The following LEMD3 variants were observed in gnomAD, a reference collection of about 807,000 sequenced individuals.
LEMD3 encodes LEM domain containing 3.
LEMD3 carries 33 observed loss-of-function variants against 95.2 expected under a neutral mutation model. The observed-to-expected ratio is 0.35, with a 90% confidence interval of 0.26 to 0.46. The LOEUF (loss-of-function observed/expected upper bound fraction) is 0.46. LEMD3 is among the 20% of genes least tolerant of loss of function. The pLI, the probability that LEMD3 is intolerant of heterozygous loss-of-function variation, is 1.00. For missense variants in LEMD3, 1,210 were observed against 1,192.8 expected (o/e 1.01, Z -0.21); for synonymous variants, 525 against 474.6 (o/e 1.11, Z -1.38).
At chr12:65,232,944 T>C (rs1020452147) in intron 4 of LEMD3, among the ~76,000 whole-genome samples, 2 of 152,140 alleles carry the variant, frequency 1.3e-5, no homozygotes, top group Non-Finnish European at 2.9e-5. Flanking sequence ...GGATAGACTT[T>C]TATGGCCTAG....
Position 65,169,654 on chromosome 12 carries a change from C to A in LEMD3, c.58C>A (p.Gln20Lys). The change falls in exon 1 of 13, where the codon CAG becomes AAG. Residue 20 changes from glutamine to lysine, a missense_variant. By Grantham distance (53) the Gln-to-Lys change is moderately conservative. This residue lies in a region of LEMD3 where 749 missense variants were observed against 622.9 expected (regional missense o/e 1.20). Transcript: ENST00000308330. ...GCTCTCGGATGAGGAGCTTTTCTCT[C>A]AGCTCCGCCGTTACGGCCTGTCTCC... ...QQLSDEELFS[Q>K]LRRYGLSPGP... 6.3e-7 allele frequency: 1 copy of A among 1,585,398 alleles called. No individual in the cohort carries two copies. Among genetic ancestry groups the A allele is most frequent in the Middle Eastern group, 2.0e-4 (1 of 4,948 alleles).
At chr12:65,230,811 G>A (rs1481292121) in intron 4 of LEMD3, among the ~76,000 whole-genome samples, 3 of 152,156 alleles carry the variant, frequency 2.0e-5, no homozygotes, top group African/African-American at 7.2e-5. Context: ...TGGTGAGAAT[G>A]GGCACTGTTG....
chr12:65,203,986 T>G (rs1051344785), intron 1 of LEMD3, among the ~76,000 whole-genome samples: 1 of 152,168 alleles, frequency 6.6e-6, no homozygotes, highest in African/African-American at 2.4e-5. Flanking sequence ...ATGGTATAAC[T>G]TCCTCCATGT....
At chr12:65,211,585 A>G (rs1448666811) in intron 2 of LEMD3, among the ~76,000 whole-genome samples, 1 of 152,200 alleles carries the variant, frequency 6.6e-6, no homozygotes, top group Non-Finnish European at 1.5e-5. Flanking sequence ...TATTATAGGA[A>G]CTGTTATATA....
chr12:65,235,380 A>T (rs1592460603), intron 4 of LEMD3, among the ~76,000 whole-genome samples: 1 of 152,284 alleles, frequency 6.6e-6, no homozygotes, highest in East Asian at 1.9e-4. Context: ...ATTAAAGCAA[A>T]TAAAAATCAC....
chr12:65,173,355 T>C (rs557319656), intron 1 of LEMD3, among the ~76,000 whole-genome samples: 112 of 152,300 alleles, frequency 7.4e-4, no homozygotes, highest in African/African-American at 2.5e-3. Flanking sequence ...ATAGGAATGC[T>C]AGGATTTTGG....
intron 4 of LEMD3, among the ~76,000 whole-genome samples, chr12:65,224,269 A>G (rs1269930467): frequency 6.6e-6 from 1 of 152,034 alleles, no homozygotes; most frequent in Non-Finnish European, 1.5e-5. Flanking sequence ...TCACTTTAGC[A>G]TTTCTTGTGA....
chr12:65,197,883 C>G (rs1362686625), intron 1 of LEMD3, among the ~76,000 whole-genome samples: 2 of 152,204 alleles, frequency 1.3e-5, no homozygotes, highest in South Asian at 4.1e-4. Context: ...TGCGTTTGCT[C>G]TCTCCAGTTT....
chr12:65,226,474 A>G (rs1309108285), intron 4 of LEMD3, among the ~76,000 whole-genome samples: 1 of 152,198 alleles, frequency 6.6e-6, no homozygotes, highest in African/African-American at 2.4e-5. Context: ...GGGGCTTCCT[A>G]TTCTGCTGAT....
intron 1 of LEMD3, among the ~76,000 whole-genome samples, chr12:65,206,629 TGA>T (rs1417744550): frequency 6.6e-6 from 1 of 152,078 alleles, no homozygotes; most frequent in Non-Finnish European, 1.5e-5. Context: ...TGCCATGGCC[TGA>T]GAGAGAAGGG....
At chr12:65,221,267 C>G (rs1870279584) in intron 4 of LEMD3, among the ~76,000 whole-genome samples, 1 of 149,320 alleles carries the variant, frequency 6.7e-6, no homozygotes, top group African/African-American at 2.5e-5. Context: ...CTTTCTAATG[C>G]TATTATAAAT....
At chr12:65,190,103 T>C (rs907590965) in intron 1 of LEMD3, among the ~76,000 whole-genome samples, 5 of 152,202 alleles carry the variant, frequency 3.3e-5, no homozygotes, top group South Asian at 2.1e-4. Flanking sequence ...TTTTCAAATA[T>C]GACTTTCCGG....
chr12:65,170,590 C>T lies in LEMD3; in HGVS notation c.994C>T (p.Arg332Ter). 1 of 1,613,910 alleles carries T rather than the reference C, an allele frequency of 6.2e-7. No individual in the cohort carries two copies. The highest frequency in any genetic ancestry group is 1.1e-5 in the South Asian group (1 of 91,058). The change falls in exon 1 of 13, where the codon CGA becomes TGA. Residue 332 changes from arginine to a stop codon, truncating the protein, a stop_gained. Transcript: ENST00000308330. LOFTEE classifies it high-confidence loss of function. Reference sequence around the variant, plus strand: ...GGCTGCCGGGAGTCTAGACAGGAGCCGAAACCTCGAAGAGGCGGCGGCCGC... The same window carrying T: ...GGCTGCCGGGAGTCTAGACAGGAGCTGAAACCTCGAAGAGGCGGCGGCCGC... ...AAAAGSLDRS[R>*]NLEEAAAAEQ...
At chr12:65,175,554 A>ACTC (rs1868693810) in intron 1 of LEMD3, among the ~76,000 whole-genome samples, 1 of 151,312 alleles carries the variant, frequency 6.6e-6, no homozygotes, top group Non-Finnish European at 1.5e-5. Flanking sequence ...TGCATTGACA[A>ACTC]CTCCCTTCTT....
intron 1 of LEMD3, among the ~76,000 whole-genome samples, chr12:65,192,665 A>G (rs917037262): frequency 2.0e-5 from 3 of 152,096 alleles, no homozygotes; most frequent in African/African-American, 7.2e-5. Flanking sequence ...GTGCTTCTTC[A>G]TGGTACAGTT....
chr12:65,208,798 T>A (rs187704897), intron 1 of LEMD3, among the ~76,000 whole-genome samples: 2 of 152,228 alleles, frequency 1.3e-5, no homozygotes, highest in Admixed American at 1.3e-4. Flanking sequence ...GGAAAAAAAT[T>A]TTAACGAAGT....
At chr12:65,238,959 A>G (rs899619501) in intron 6 of LEMD3, 145 bp downstream of exon 6, 8 of 751,516 alleles carry the variant, frequency 1.1e-5, no homozygotes, top group Non-Finnish European at 1.3e-5. Context: ...AATAAAAATA[A>G]TGTCAGAATC....
At chr12:65,210,870 G>T in intron 1 of LEMD3, 56 bp from the exon 2 acceptor site, 1 of 1,293,196 alleles carries the variant, frequency 7.7e-7, no homozygotes, top group South Asian at 1.2e-5. Context: ...AGTTTGTTTG[G>T]GGGATTTTAA....
At position 65,170,221 on chromosome 12, in the gene LEMD3, A is replaced by G; in HGVS notation, c.625A>G (p.Thr209Ala). The G allele has an allele frequency of 6.6e-7, 1 of 1,508,536 alleles. No individual in the cohort carries two copies. The allele number at this position is 1,508,536 out of a possible 1,614,324, so 93.4% of individuals were successfully genotyped here. A position where few individuals can be genotyped will look rare whatever the true frequency, so the allele number is the denominator to read the frequency against. ...GAGGCCGGCGGGCCCCGAGCTGCAG[A>G]CCCCGCCGGGGAAAGATGGAGCAGT... ...ARRPAGPELQ[T>A]PPGKDGAVED... The change falls in exon 1 of 13, where the codon ACC becomes GCC. Residue 209 changes from threonine (T) to alanine (A), a missense_variant. Around this residue, in one of 2 missense-constraint regions of LEMD3, gnomAD observed 749 missense variants for 622.9 expected, o/e 1.20. Coordinates refer to ENST00000308330, the MANE Select transcript of LEMD3 (RefSeq NM_014319.5).
Sources: gnomAD v4.1 joint callset for allele counts (sites outside exome capture counted in the v4.1 genomes callset) on GRCh38, gnomAD v4.1.1 for gene constraint, gnomAD v4.1.1 regional missense constraint, MANE v1.5 for transcripts, NCBI Gene and HGNC (gene_info 2026-07-23, HGNC 2026-07-21) for gene names.